The following NBEAL1 variants were observed in gnomAD, a reference collection of about 807,000 sequenced individuals.
The protein encoded by NBEAL1 is neurobeachin-like protein 1.
NBEAL1 carries 273 observed loss-of-function variants against 351.3 expected under a neutral mutation model. The observed-to-expected ratio is 0.78, with a 90% CI of 0.70 to 0.86. NBEAL1 has a LOEUF of 0.86. Ranked by LOEUF, NBEAL1 falls within the 40% of genes least tolerant of loss-of-function variation. The pLI is 0.00. For synonymous variants in NBEAL1, 1,050 were observed against 1,086.4 expected, an observed-to-expected ratio of 0.97 and a Z score of 0.66; for missense variants, 2,961 against 3,201.3, an observed-to-expected ratio of 0.92 and a Z score of 1.81.
At chr2:203,141,375 T>TTTTTTTTTTATTTTTTA (rs2063374325) in intron 31 of NBEAL1, among the ~76,000 whole-genome samples, 4 of 63,692 alleles carry the variant, frequency 6.3e-5, no homozygotes, top group Non-Finnish European at 1.2e-4. Flanking sequence ...TATTTTTTTT[T>TTTTTTTTTTATTTTTTA]TTTTTTTTTT....
At chr2:203,201,057 AACCAGCAT>A (rs1281766955) in intron 49 of NBEAL1, among the ~76,000 whole-genome samples, 1 of 152,204 alleles carries the variant, frequency 6.6e-6, no homozygotes, top group Non-Finnish European at 1.5e-5. Context: ...AAGCTGATAA[AACCAGCAT>A]GCTTGCTTTG....
intron 4 of NBEAL1, among the ~76,000 whole-genome samples, chr2:203,053,413 AT>A (rs1339184016): frequency 6.6e-6 from 1 of 152,128 alleles, no homozygotes; most frequent in Non-Finnish European, 1.5e-5. Flanking sequence ...ATTTTTAAAA[AT>A]TGAATTGTTT....
intron 46 of NBEAL1, among the ~76,000 whole-genome samples, chr2:203,192,968 T>TTC (rs1370528571): frequency 9.8e-5 from 13 of 132,214 alleles, no homozygotes; most frequent in African/African-American, 2.8e-4. Flanking sequence ...TCTTTCTTTT[T>TTC]TTTTTTTTTT....
At position 203,171,988 on chromosome 2, in the gene NBEAL1, G is replaced by A; in HGVS notation, c.6163G>A (p.Gly2055Arg). The change falls in exon 40 of 56, where the codon GGA becomes AGA. Residue 2055 changes from glycine to arginine, a missense_variant. Coordinates refer to ENST00000683969, the MANE Select transcript of NBEAL1 (RefSeq NM_001378026.1). ...CCTCATTCAAATAAATACAATGGCA[G>A]GACGAACCTATAATGACCTTGCACA... is the stretch of plus-strand genomic sequence containing the variant. ...DYLIQINTMA[G>R]RTYNDLAQYP... 6.2e-7 allele frequency: 1 copy of A among 1,607,392 alleles called. No individual in the cohort carries two copies. The highest frequency in any genetic ancestry group is 8.5e-7 in the Non-Finnish European group (1 of 1,177,788).
chr2:203,044,127 T>C (rs1195071126), intron 3 of NBEAL1, among the ~76,000 whole-genome samples: 1 of 152,128 alleles, frequency 6.6e-6, no homozygotes, highest in Non-Finnish European at 1.5e-5. Flanking sequence ...GGCCAGAGCT[T>C]TGGACCAAGA....
At chr2:203,201,386 C>CATG (rs2065394743) in intron 49 of NBEAL1, among the ~76,000 whole-genome samples, 157 bp from the exon 50 acceptor site, 1 of 152,152 alleles carries the variant, frequency 6.6e-6, no homozygotes, top group East Asian at 1.9e-4. Flanking sequence ...AGTGAGATAA[C>CATG]ATGTTTTCTG....
intron 23 of NBEAL1, among the ~76,000 whole-genome samples, chr2:203,127,451 C>T (rs1171239200): frequency 1.3e-5 from 2 of 152,084 alleles, no homozygotes; most frequent in African/African-American, 2.4e-5. Flanking sequence ...AGGCTGGGCG[C>T]GGTGGCTCAC....
chr2:203,046,340 C>T (rs1464083931), intron 3 of NBEAL1, among the ~76,000 whole-genome samples: 1 of 152,012 alleles, frequency 6.6e-6, no homozygotes, highest in Non-Finnish European at 1.5e-5. Flanking sequence ...CTCAGCCTCT[C>T]GAGTAGCCAG....
chr2:203,044,092 G>A (rs1175551260), intron 3 of NBEAL1, among the ~76,000 whole-genome samples: 1 of 152,138 alleles, frequency 6.6e-6, no homozygotes, highest in African/African-American at 2.4e-5. Context: ...CCAGTTAAGA[G>A]ATAATTGTGA....
intron 54 of NBEAL1, 25 bp from the exon 55 acceptor site, chr2:203,213,493 T>C: frequency 6.3e-7 from 1 of 1,587,232 alleles, no homozygotes; most frequent in East Asian, 2.2e-5. Context: ...TGTAATTATG[T>C]CTGTATTTTT....
intron 10 of NBEAL1, 34 bp downstream of exon 10, chr2:203,084,603 T>A: frequency 7.9e-7 from 1 of 1,260,950 alleles, no homozygotes; most frequent in Non-Finnish European, 1.1e-6. Flanking sequence ...TCTTTGATTT[T>A]AAGAAGCTAT....
chr2:203,198,715 T>G (rs2065306598), intron 48 of NBEAL1, among the ~76,000 whole-genome samples: 1 of 151,270 alleles, frequency 6.6e-6, no homozygotes, highest in Non-Finnish European at 1.5e-5. Context: ...TACAAAAAAT[T>G]AGCCAGGCAT....
intron 47 of NBEAL1, among the ~76,000 whole-genome samples, chr2:203,194,171 A>G (rs1437603841): frequency 6.6e-6 from 1 of 152,192 alleles, no homozygotes; most frequent in Non-Finnish European, 1.5e-5. Context: ...AAATAATTTG[A>G]CTTAAAATGC....
chr2:203,117,246 C>T (rs894822243), intron 18 of NBEAL1, among the ~76,000 whole-genome samples: 3 of 152,084 alleles, frequency 2.0e-5, no homozygotes, highest in African/African-American at 7.2e-5. Context: ...GGGCGGATCA[C>T]GAGGTTAGGA....
intron 43 of NBEAL1, 94 bp from the exon 44 acceptor site, chr2:203,183,185 G>A: frequency 1.7e-6 from 1 of 593,308 alleles, no homozygotes; most frequent in Admixed American, 3.0e-5. Flanking sequence ...GAAAAAATAT[G>A]TTTTGCTTAG....
At chr2:203,167,089 A>T in intron 37 of NBEAL1, 138 bp from the exon 38 acceptor site, 2 of 668,930 alleles carry the variant, frequency 3.0e-6, no homozygotes, top group Non-Finnish European at 4.7e-6. Context: ...TATCCAACAC[A>T]TTTAACAAAT....
At chr2:203,046,575 T>A (rs1203528984) in intron 3 of NBEAL1, among the ~76,000 whole-genome samples, 4 of 152,080 alleles carry the variant, frequency 2.6e-5, no homozygotes, top group African/African-American at 9.7e-5. Context: ...AGTCTAAGAT[T>A]AAGACACCAG....
chr2:203,109,459 A>G (rs908262407), intron 14 of NBEAL1, among the ~76,000 whole-genome samples: 14 of 152,230 alleles, frequency 9.2e-5, no homozygotes, highest in Admixed American at 5.9e-4. Context: ...TATATGAAGG[A>G]ACAGAAGACC....
intron 35 of NBEAL1, 90 bp from the exon 36 acceptor site, chr2:203,157,605 ACAGT>A (rs1391918455): frequency 1.6e-5 from 14 of 870,654 alleles, no homozygotes; most frequent in African/African-American, 1.7e-5. Flanking sequence ...GTTATATCTA[ACAGT>A]CAGGAACACA....
Sources: gnomAD v4.1 joint callset for allele counts (sites outside exome capture counted in the v4.1 genomes callset) on GRCh38, gnomAD v4.1.1 for gene constraint, MANE v1.5 for transcripts, NCBI Gene and HGNC (gene_info 2026-07-23, HGNC 2026-07-21) for gene names.